Variants in NKAIN2 observed in about 807,000 individuals in gnomAD.
NKAIN2 encodes sodium/potassium-transporting ATPase subunit beta-1-interacting protein 2.
In NKAIN2, 14 loss-of-function variants were observed where a neutral mutation model predicts 32.6. The ratio of observed to expected loss-of-function variants is 0.43; its 90% CI spans 0.28 to 0.67. The LOEUF (loss-of-function observed/expected upper bound fraction) is 0.67, where lower values mean the gene tolerates loss of function less well. Ranked by LOEUF, NKAIN2 falls within the 30% of genes least tolerant of loss-of-function variation. NKAIN2 has a pLI of 0.17. For synonymous variants in NKAIN2, 80 were observed against 87.2 expected, an observed-to-expected ratio of 0.92 and a Z score of 0.46; for missense variants, 198 against 258.3, an observed-to-expected ratio of 0.77 and a Z score of 1.60.
At chr6:124,115,940 T>C (rs1208860792) in intron 1 of NKAIN2, among the ~76,000 whole-genome samples, 2 of 152,144 alleles carry the variant, frequency 1.3e-5, no homozygotes, top group Non-Finnish European at 1.5e-5. Context: ...TTTCACATAA[T>C]CCAAATCTAC....
chr6:124,547,276 GT>G (rs915860734), intron 3 of NKAIN2, among the ~76,000 whole-genome samples: 13 of 148,276 alleles, frequency 8.8e-5, no homozygotes, highest in East Asian at 3.9e-4. Context: ...ATATCACCAG[GT>G]TTTTTTTTTA....
At chr6:123,868,331 C>T (rs1772688058) in intron 1 of NKAIN2, among the ~76,000 whole-genome samples, 2 of 152,064 alleles carry the variant, frequency 1.3e-5, no homozygotes, top group Non-Finnish European at 2.9e-5. Flanking sequence ...GTAAAATGAC[C>T]AAATAAATTA....
intron 4 of NKAIN2, among the ~76,000 whole-genome samples, chr6:124,663,513 T>G (rs532066845): frequency 6.6e-6 from 1 of 152,224 alleles, no homozygotes; most frequent in South Asian, 2.1e-4. Context: ...ACAAAAAATA[T>G]ACCCAAAACG....
At chr6:124,740,662 G>A (rs1185141611) in intron 4 of NKAIN2, among the ~76,000 whole-genome samples, 2 of 151,868 alleles carry the variant, frequency 1.3e-5, no homozygotes, top group African/African-American at 4.8e-5. Context: ...CCAGGAAAAT[G>A]GGTTAGCAAG....
At chr6:124,531,484 C>T (rs1779523298) in intron 3 of NKAIN2, among the ~76,000 whole-genome samples, 1 of 152,160 alleles carries the variant, frequency 6.6e-6, no homozygotes, top group Admixed American at 6.5e-5. Flanking sequence ...CTGTATTCAT[C>T]AAGGATATTG....
chr6:124,332,575 AT>A (rs60347437), intron 2 of NKAIN2, among the ~76,000 whole-genome samples: 2,235 of 151,398 alleles, frequency 0.015, 64 homozygotes, highest in East Asian at 0.11. Context: ...AGAGGGCCTT[AT>A]TTTTTTTTCT....
intron 1 of NKAIN2, among the ~76,000 whole-genome samples, chr6:123,930,697 AT>A (rs1483344661): frequency 1.3e-5 from 2 of 152,144 alleles, no homozygotes; most frequent in East Asian, 3.9e-4. Context: ...TGTTTTTGTA[AT>A]ACTTCTTCCT....
chr6:123,832,551 C>G (rs1330507528), intron 1 of NKAIN2, among the ~76,000 whole-genome samples: 1 of 152,176 alleles, frequency 6.6e-6, no homozygotes, highest in African/African-American at 2.4e-5. Context: ...AACCGCTAAA[C>G]TGTCTTCCAA....
At chr6:124,611,998 C>T (rs563452) in intron 3 of NKAIN2, among the ~76,000 whole-genome samples, 29,159 of 151,770 alleles carry the variant, frequency 0.19, 2,864 homozygotes, top group Middle Eastern at 0.24. Flanking sequence ...AATAAACAAA[C>T]GGTAGGTATT....
intron 3 of NKAIN2, among the ~76,000 whole-genome samples, chr6:124,515,047 C>T (rs903920132): frequency 3.3e-5 from 5 of 152,054 alleles, no homozygotes; most frequent in Admixed American, 6.6e-5. Flanking sequence ...TCTAGGAAGA[C>T]GTTCTTAAAG....
At chr6:124,127,739 G>T (rs1235135685) in intron 1 of NKAIN2, among the ~76,000 whole-genome samples, 1 of 152,102 alleles carries the variant, frequency 6.6e-6, no homozygotes. Flanking sequence ...TCACACTCAG[G>T]TTCAGTTTAC....
intron 2 of NKAIN2, among the ~76,000 whole-genome samples, chr6:124,354,119 T>C (rs1383100815): frequency 6.6e-6 from 1 of 152,222 alleles, no homozygotes; most frequent in Non-Finnish European, 1.5e-5. Context: ...TTGATTCATC[T>C]CTTCTGGAAG....
At chr6:123,909,204 C>T (rs1434298349) in intron 1 of NKAIN2, among the ~76,000 whole-genome samples, 3 of 152,158 alleles carry the variant, frequency 2.0e-5, no homozygotes, top group African/African-American at 7.2e-5. Context: ...TGTGCCCTAT[C>T]TACCATCAAT....
intron 4 of NKAIN2, among the ~76,000 whole-genome samples, chr6:124,702,315 TA>T (rs769051720): frequency 2.6e-5 from 4 of 152,066 alleles, no homozygotes; most frequent in Non-Finnish European, 5.9e-5. Context: ...TTGTAAATCA[TA>T]AATCCAAAAC....
At chr6:123,943,761 T>C (rs1052759051) in intron 1 of NKAIN2, among the ~76,000 whole-genome samples, 3 of 152,094 alleles carry the variant, frequency 2.0e-5, no homozygotes, top group African/African-American at 7.2e-5. Flanking sequence ...GGGTATTCCA[T>C]TGTTCTAGGT....
intron 1 of NKAIN2, among the ~76,000 whole-genome samples, chr6:123,839,289 A>C (rs1774765938): frequency 6.6e-6 from 1 of 152,142 alleles, no homozygotes; most frequent in African/African-American, 2.4e-5. Flanking sequence ...AAACTTTGTA[A>C]TTAATATAAT....
intron 1 of NKAIN2, among the ~76,000 whole-genome samples, chr6:124,245,878 G>A (rs1175631445): frequency 1.3e-5 from 2 of 152,090 alleles, no homozygotes; most frequent in East Asian, 3.9e-4. Context: ...AATATGACAT[G>A]ATACGCATAA....
intron 1 of NKAIN2, among the ~76,000 whole-genome samples, chr6:124,183,657 A>C (rs1193561945): frequency 6.6e-6 from 1 of 152,158 alleles, no homozygotes; most frequent in East Asian, 1.9e-4. Context: ...ACATCCTTTG[A>C]TAGTTTTCAA....
intron 1 of NKAIN2, among the ~76,000 whole-genome samples, chr6:124,186,965 G>C (rs931775040): frequency 9.5e-5 from 7 of 73,734 alleles, no homozygotes; most frequent in Non-Finnish European, 2.3e-4. Context: ...AAGTACTGAT[G>C]ATTTTTTTTA....
Sources: gnomAD v4.1 joint callset for allele counts (sites outside exome capture counted in the v4.1 genomes callset) on GRCh38, gnomAD v4.1.1 for gene constraint, MANE v1.5 for transcripts, NCBI Gene and HGNC (gene_info 2026-07-23, HGNC 2026-07-21) for gene names.